Variants in ROR1 observed in about 807,000 individuals in gnomAD.
ROR1 encodes ROR family WNT receptor 1.
In ROR1, 19 loss-of-function variants were observed where a neutral mutation model predicts 78.8. The observed-to-expected ratio is 0.24, with a 90% CI of 0.17 to 0.35. ROR1 has a LOEUF of 0.35. ROR1 is among the 10% of genes least tolerant of loss of function. The pLI is 1.00. For missense variants in ROR1, 917 were observed against 1,177.8 expected (o/e 0.78, Z 3.24); for synonymous variants, 386 against 433.6 (o/e 0.89, Z 1.36).
At chr1:63,917,836 C>T (rs909931117) in intron 1 of ROR1, among the ~76,000 whole-genome samples, 13 of 152,082 alleles carry the variant, frequency 8.5e-5, no homozygotes, top group Admixed American at 5.2e-4. Context: ...GTGGAAAGCA[C>T]GTGGCATAAT....
At chr1:64,017,811 G>A (rs1450761727) in intron 2 of ROR1, among the ~76,000 whole-genome samples, 6 of 152,156 alleles carry the variant, frequency 3.9e-5, no homozygotes, top group African/African-American at 1.4e-4. Context: ...GAGCAAGCTT[G>A]GAAGTGTTTG....
At chr1:63,785,128 A>T (rs1644676281) in intron 1 of ROR1, among the ~76,000 whole-genome samples, 1 of 152,212 alleles carries the variant, frequency 6.6e-6, no homozygotes, top group Admixed American at 6.5e-5. Flanking sequence ...CCATTTCCGG[A>T]TGGGTTTAGA....
At chr1:64,070,484 A>T (rs974417655) in intron 4 of ROR1, among the ~76,000 whole-genome samples, 3 of 151,474 alleles carry the variant, frequency 2.0e-5, no homozygotes, top group African/African-American at 7.3e-5. Context: ...CCCAGTTAAA[A>T]TTTTTTTTTA....
At chr1:63,978,520 C>G (rs1176929506) in intron 1 of ROR1, among the ~76,000 whole-genome samples, 3 of 152,124 alleles carry the variant, frequency 2.0e-5, no homozygotes, top group Non-Finnish European at 2.9e-5. Flanking sequence ...CTGCAATTCC[C>G]AAATATAGTG....
chr1:63,797,813 C>A (rs1315766509), intron 1 of ROR1, among the ~76,000 whole-genome samples: 1 of 150,660 alleles, frequency 6.6e-6, no homozygotes, highest in Non-Finnish European at 1.5e-5. Flanking sequence ...TTTAGGGACA[C>A]CTTTGTTGTT....
intron 1 of ROR1, among the ~76,000 whole-genome samples, chr1:63,976,193 G>T (rs1187457922): frequency 1.3e-5 from 2 of 152,152 alleles, no homozygotes; most frequent in African/African-American, 4.8e-5. Context: ...GTGAGTTCTG[G>T]TTGGGTGATC....
chr1:63,861,037 T>C (rs1645178727), intron 1 of ROR1, among the ~76,000 whole-genome samples: 1 of 152,114 alleles, frequency 6.6e-6, no homozygotes, highest in South Asian at 2.1e-4. Flanking sequence ...TTTTGCCTGA[T>C]GGAGTTTTGA....
intron 4 of ROR1, among the ~76,000 whole-genome samples, chr1:64,110,227 G>A (rs1312850429): frequency 6.6e-6 from 1 of 152,136 alleles, no homozygotes; most frequent in African/African-American, 2.4e-5. Context: ...TTTCTCCTAT[G>A]CCTATTCTAA....
chr1:63,834,943 A>G (rs1376482599), intron 1 of ROR1, among the ~76,000 whole-genome samples: 1 of 152,130 alleles, frequency 6.6e-6, no homozygotes. Flanking sequence ...TCATGGCTGC[A>G]GGTGGCAGGC....
chr1:63,967,794 A>T (rs751465130), intron 1 of ROR1, among the ~76,000 whole-genome samples: 13 of 152,176 alleles, frequency 8.5e-5, no homozygotes, highest in Non-Finnish European at 4.4e-5. Flanking sequence ...CTTGGACTCT[A>T]GGATCTCCTG....
intron 4 of ROR1, among the ~76,000 whole-genome samples, chr1:64,133,702 C>T (rs1366902213): frequency 6.6e-6 from 1 of 152,222 alleles, no homozygotes; most frequent in East Asian, 1.9e-4. Context: ...TTCCATTTGC[C>T]CTTTCACAAT....
chr1:63,905,844 G>T (rs1304006608), intron 1 of ROR1, among the ~76,000 whole-genome samples: 1 of 152,106 alleles, frequency 6.6e-6, no homozygotes, highest in East Asian at 1.9e-4. Context: ...CGAAAATTTT[G>T]CTGTAATTTA....
intron 8 of ROR1, among the ~76,000 whole-genome samples, chr1:64,167,970 T>C (rs1377903209): frequency 6.6e-6 from 1 of 152,234 alleles, no homozygotes; most frequent in Non-Finnish European, 1.5e-5. Context: ...GCAACTTTGG[T>C]GTCAGACATT....
chr1:64,128,214 G>A (rs1387433981), intron 4 of ROR1, among the ~76,000 whole-genome samples: 2 of 148,534 alleles, frequency 1.3e-5, no homozygotes, highest in South Asian at 2.1e-4. Flanking sequence ...CAGCACTTAG[G>A]GAGATCAAGG....
rs139416062 is a variant in ROR1, at chr1:64,021,757, G to A, written c.163+12381G>A. 3.1e-3 allele frequency among the ~76,000 whole-genome samples: 477 copies of A among 152,224 alleles called. 3 individuals are homozygous for A. The highest frequency in any genetic ancestry group is 0.011 in the African/African-American group (456 of 41,538). On this transcript the variant is annotated intron_variant, in intron 2 of 8. Coordinates refer to ENST00000371079, the MANE Select transcript of ROR1 (RefSeq NM_005012.4). Reference sequence around the variant, plus strand: ...TGGTAGGATATCCTTTCTGGAAGGGGATATTCTTGATTACCCTTAGGTGGT... The same window carrying A: ...TGGTAGGATATCCTTTCTGGAAGGGAATATTCTTGATTACCCTTAGGTGGT...
chr1:63,840,697 A>C (rs912169307), intron 1 of ROR1, among the ~76,000 whole-genome samples: 1 of 152,180 alleles, frequency 6.6e-6, no homozygotes, highest in East Asian at 1.9e-4. Context: ...TCAACATATA[A>C]GTCATAAAAA....
intron 1 of ROR1, among the ~76,000 whole-genome samples, chr1:63,925,643 T>G (rs11208318): frequency 2.0e-5 from 3 of 150,690 alleles, no homozygotes; most frequent in East Asian, 3.9e-4. Context: ...GTGTAAAAGT[T>G]TTCCTATTTC....
chr1:64,093,098 A>T (rs930526392), intron 4 of ROR1, among the ~76,000 whole-genome samples: 1 of 152,196 alleles, frequency 6.6e-6, no homozygotes, highest in African/African-American at 2.4e-5. Context: ...CGGGTTGTTC[A>T]TCCACTTTGA....
intron 1 of ROR1, among the ~76,000 whole-genome samples, chr1:63,987,147 T>A (rs559635072): frequency 1.3e-5 from 2 of 152,248 alleles, no homozygotes; most frequent in Non-Finnish European, 2.9e-5. Context: ...AATTAGAGCC[T>A]ACAGAAACAA....
Sources: allele counts gnomAD v4.1 joint callset (sites outside exome capture counted in the v4.1 genomes callset), GRCh38; gene constraint gnomAD v4.1.1; transcripts MANE v1.5; gene names NCBI Gene and HGNC (gene_info 2026-07-23, HGNC 2026-07-21).